Variants in HSD17B4 observed in about 807,000 individuals in gnomAD.
HSD17B4 encodes hydroxysteroid 17-beta dehydrogenase 4.
In HSD17B4, 70 loss-of-function variants were observed where a neutral mutation model predicts 101.0. That is an observed-to-expected ratio of 0.69 (90% CI 0.57 to 0.85). The LOEUF (loss-of-function observed/expected upper bound fraction) is 0.85. HSD17B4 is among the 40% of genes least tolerant of loss of function. HSD17B4 has a pLI of 0.00. For synonymous variants in HSD17B4, 347 were observed against 297.1 expected, an observed-to-expected ratio of 1.17 and a Z score of -1.73; for missense variants, 984 against 892.4, an observed-to-expected ratio of 1.10 and a Z score of -1.31.
intron 17 of HSD17B4, among the ~76,000 whole-genome samples, chr5:119,518,501 A>G (rs1313120124): frequency 6.6e-6 from 1 of 152,134 alleles, no homozygotes; most frequent in African/African-American, 2.4e-5. Flanking sequence ...TGGAGATGGT[A>G]TGTGGGTGTT....
rs370600513 is a variant in HSD17B4 at position 119,462,051 on chromosome 5, A to C, written c.112+5683A>C. ...AAGGAAAAGATTTATGTTAAAAAAAACCCTCCAGGGTTATGAACTAGATTT... is the reference window on the plus strand; with the variant it reads ...AAGGAAAAGATTTATGTTAAAAAAACCCCTCCAGGGTTATGAACTAGATTT... On this transcript the variant is annotated intron_variant, in intron 2 of 23. Coordinates refer to ENST00000510025, the MANE Select transcript of HSD17B4 (RefSeq NM_000414.4). 1.5e-3 allele frequency among the ~76,000 whole-genome samples: 229 copies of C among 152,138 alleles called. 1 individual carries two copies. The highest frequency in any genetic ancestry group is 4.4e-3 in the African/African-American group (183 of 41,516).
intron 14 of HSD17B4, among the ~76,000 whole-genome samples, chr5:119,502,658 T>C (rs931926884): frequency 6.6e-6 from 1 of 152,202 alleles, no homozygotes; most frequent in South Asian, 2.1e-4. Flanking sequence ...TGTCTAATTA[T>C]ATACTGGTCA....
At chr5:119,529,086 A>G (rs901359280) in intron 20 of HSD17B4, among the ~76,000 whole-genome samples, 1 of 152,186 alleles carries the variant, frequency 6.6e-6, no homozygotes, top group African/African-American at 2.4e-5. Flanking sequence ...AAGTGAACAA[A>G]TTACTTGAAA....
At chr5:119,494,885 A>G (rs1365119395) in intron 11 of HSD17B4, among the ~76,000 whole-genome samples, 1 of 152,184 alleles carries the variant, frequency 6.6e-6, no homozygotes, top group East Asian at 1.9e-4. Context: ...ATTTTTTTCT[A>G]GTATAACTCA....
chr5:119,525,186 G>T, intron 17 of HSD17B4, 30 bp from the exon 18 acceptor site: 1 of 1,511,604 alleles, frequency 6.6e-7, no homozygotes, highest in Non-Finnish European at 9.2e-7. Context: ...AAAACACTGA[G>T]TTCTAGTTAT....
chr5:119,470,883 T>C (rs999752779), intron 2 of HSD17B4, among the ~76,000 whole-genome samples: 1 of 152,194 alleles, frequency 6.6e-6, no homozygotes, highest in Non-Finnish European at 1.5e-5. Context: ...GATTGCTGAG[T>C]GGGTCAGTGT....
At chr5:119,537,406 A>G (rs1251256967) in intron 23 of HSD17B4, among the ~76,000 whole-genome samples, 1 of 152,162 alleles carries the variant, frequency 6.6e-6, no homozygotes, top group Non-Finnish European at 1.5e-5. Flanking sequence ...TACAAGGCTT[A>G]TTATAAGAAC....
chr5:119,488,854 G>A (rs924838596), intron 8 of HSD17B4, among the ~76,000 whole-genome samples: 6 of 152,084 alleles, frequency 3.9e-5, no homozygotes, highest in African/African-American at 1.4e-4. Flanking sequence ...ATAATTTTGG[G>A]AATGAATGGT....
intron 2 of HSD17B4, among the ~76,000 whole-genome samples, chr5:119,463,905 A>T (rs1755537482): frequency 6.6e-6 from 1 of 152,016 alleles, no homozygotes. Context: ...TCCTCATCTC[A>T]AATGATCCGC....
Position 119,456,339 on chromosome 5 carries a change from C to T in HSD17B4, c.83C>T (p.Ala28Val). ...GAGLGRAYAL[A>V]FAERGALVVV... Reference sequence around the variant, plus strand: ...GGATTGGGCCGAGCCTATGCCCTGGCTTTTGCAGAAAGAGGAGCGTTAGTT... The same window carrying T: ...GGATTGGGCCGAGCCTATGCCCTGGTTTTTGCAGAAAGAGGAGCGTTAGTT... The change falls in exon 2 of 24, where the codon GCT (alanine) becomes GTT (valine). Residue 28 changes from alanine to valine, a missense_variant. Ala to Val is a moderately conservative substitution (Grantham distance 64). Transcript: ENST00000510025. 6.2e-7 allele frequency: 1 copy of T among 1,611,300 alleles called. No individual in the cohort carries two copies. Among genetic ancestry groups the T allele is most frequent in the Non-Finnish European group, 8.5e-7 (1 of 1,177,432 alleles).
At chr5:119,528,893 C>T (rs1753824326) in intron 20 of HSD17B4, among the ~76,000 whole-genome samples, 1 of 151,828 alleles carries the variant, frequency 6.6e-6, no homozygotes, top group Non-Finnish European at 1.5e-5. Context: ...CTCTCCCTGC[C>T]TCCTTTTCTC....
chr5:119,490,222 C>T (rs1749978854), intron 9 of HSD17B4, among the ~76,000 whole-genome samples: 1 of 152,084 alleles, frequency 6.6e-6, no homozygotes, highest in Non-Finnish European at 1.5e-5. Flanking sequence ...CTAATCACAG[C>T]CATTGGGTGT....
chr5:119,538,618 C>T (rs113357719), intron 23 of HSD17B4, among the ~76,000 whole-genome samples: 2,040 of 152,228 alleles, frequency 0.013, 14 homozygotes, highest in Non-Finnish European at 0.022. Context: ...TTCCCTTGCT[C>T]CTTTTTCAGG....
At chr5:119,471,962 C>G (rs1036257819) in intron 2 of HSD17B4, among the ~76,000 whole-genome samples, 3 of 152,012 alleles carry the variant, frequency 2.0e-5, no homozygotes, top group African/African-American at 7.2e-5. Context: ...TTGTGTGTCC[C>G]TCTGTAGATT....
In HSD17B4 at chr5:119,542,000, A is replaced by G. The variant is rs111671384; in HGVS notation, c.*6A>G. ...AAGACTACGCCAAGCTCTGAAGGGC[A>G]CACTACACTATTAATAAAAATGGAA... On this transcript the variant is annotated 3_prime_UTR_variant, in exon 24 of 24. Transcript: ENST00000510025. 2,156 of 1,570,708 alleles carry G rather than the reference A, an allele frequency of 1.4e-3. 32 individuals are homozygous for G. The African/African-American group carries it at 0.026, about 19-fold the overall frequency.
intron 2 of HSD17B4, among the ~76,000 whole-genome samples, chr5:119,456,935 C>G (rs564774447): frequency 6.6e-6 from 1 of 152,218 alleles, no homozygotes; most frequent in South Asian, 2.1e-4. Context: ...AGTTTGGAGT[C>G]AAGGAATCTA....
intron 9 of HSD17B4, among the ~76,000 whole-genome samples, chr5:119,489,673 C>T (rs1749920075): frequency 6.6e-6 from 1 of 152,084 alleles, no homozygotes; most frequent in African/African-American, 2.4e-5. Context: ...CTGGGGCTTT[C>T]TTGTGACAAC....
Position 119,480,746 on chromosome 5 carries a change from A to T in HSD17B4, c.622+1725A>T, listed in dbSNP as rs573064577. Reference sequence around the variant, plus strand: ...AATAAGCCTGGGAGCGCTATGGGAGACTGGAGTTTATTTCACCCCTGCAGT... The same window carrying T: ...AATAAGCCTGGGAGCGCTATGGGAGTCTGGAGTTTATTTCACCCCTGCAGT... On this transcript the variant is annotated intron_variant, in intron 8 of 23. Coordinates refer to ENST00000510025, the MANE Select transcript of HSD17B4 (RefSeq NM_000414.4). Among the ~76,000 whole-genome samples the T allele has an allele frequency of 3.3e-4, 50 of 152,208 alleles. 1 individual carries two copies. The highest frequency in any genetic ancestry group is 6.8e-3 in the Middle Eastern group (2 of 294).
chr5:119,499,597 A>C, intron 13 of HSD17B4, 44 bp downstream of exon 13: 1 of 1,085,006 alleles, frequency 9.2e-7, no homozygotes, highest in Non-Finnish European at 1.4e-6. Context: ...CTATTTCTGT[A>C]AATATTATTC....
Sources: allele counts gnomAD v4.1 joint callset (sites outside exome capture counted in the v4.1 genomes callset), GRCh38; gene constraint gnomAD v4.1.1; transcripts MANE v1.5; gene names NCBI Gene and HGNC (gene_info 2026-07-23, HGNC 2026-07-21).